The following LHFPL3 variants were observed in gnomAD, a reference collection of about 807,000 sequenced individuals.
LHFPL3 encodes LHFPL tetraspan subfamily member 3.
Under a neutral mutation model 19.3 loss-of-function variants are expected in LHFPL3, and 5 were observed. That is an observed-to-expected ratio of 0.26 (90% CI 0.14 to 0.54). The LOEUF (loss-of-function observed/expected upper bound fraction) is 0.54, where lower values mean the gene tolerates loss of function less well. LHFPL3 is among the 20% of genes least tolerant of loss of function. LHFPL3 has a pLI of 0.94. For missense variants in LHFPL3, 249 were observed against 307.4 expected (o/e 0.81, Z 1.42); for synonymous variants, 133 against 126.2 (o/e 1.05, Z -0.36).
intron 1 of LHFPL3, among the ~76,000 whole-genome samples, chr7:104,592,823 C>A (rs1402648060): frequency 6.6e-6 from 1 of 152,124 alleles, no homozygotes; most frequent in Non-Finnish European, 1.5e-5. Flanking sequence ...CTCCCCCAGC[C>A]TCTCTGCCAC....
rs117278271 is a variant in LHFPL3 at position 104,375,068 on chromosome 7, G to A, written c.445+45844G>A. ...GAAATAATAATACAGGCCAGGCACG[G>A]TGGCTTACCCCTGTAATCCCAACAC... On this transcript the variant is annotated intron_variant, in intron 1 of 2. Coordinates refer to ENST00000424859, the MANE Select transcript of LHFPL3 (RefSeq NM_199000.3). 5.8e-3 allele frequency among the ~76,000 whole-genome samples: 876 copies of A among 152,308 alleles called. 4 individuals carry two copies. The highest frequency in any genetic ancestry group is 8.8e-3 in the Non-Finnish European group (597 of 68,032).
intron 1 of LHFPL3, among the ~76,000 whole-genome samples, chr7:104,630,344 A>T (rs901832696): frequency 1.3e-5 from 2 of 152,186 alleles, no homozygotes; most frequent in African/African-American, 4.8e-5. Flanking sequence ...GGTTTACAGA[A>T]GGAAATAAAC....
chr7:104,580,473 T>C (rs6967399), intron 1 of LHFPL3, among the ~76,000 whole-genome samples: 19 of 152,158 alleles, frequency 1.2e-4, no homozygotes, highest in African/African-American at 4.6e-4. Context: ...CAAGCCATCT[T>C]ATTTTTTATA....
chr7:104,368,652 C>T (rs1416839657), intron 1 of LHFPL3, among the ~76,000 whole-genome samples: 3 of 150,098 alleles, frequency 2.0e-5, no homozygotes, highest in South Asian at 2.1e-4. Flanking sequence ...CACACATGTA[C>T]GTGTGTGTGT....
At chr7:104,471,907 A>G (rs1231644310) in intron 1 of LHFPL3, among the ~76,000 whole-genome samples, 2 of 152,188 alleles carry the variant, frequency 1.3e-5, no homozygotes, top group Non-Finnish European at 2.9e-5. Flanking sequence ...GCCACATGCA[A>G]TGGCCCTTGC....
intron 2 of LHFPL3, among the ~76,000 whole-genome samples, chr7:104,795,151 G>A (rs1391966417): frequency 6.6e-6 from 1 of 152,186 alleles, no homozygotes; most frequent in Non-Finnish European, 1.5e-5. Flanking sequence ...CATGCTCTCT[G>A]ATGGCCATTC....
At chr7:104,888,976 G>A (rs1296286397) in intron 2 of LHFPL3, among the ~76,000 whole-genome samples, 6 of 152,048 alleles carry the variant, frequency 3.9e-5, no homozygotes, top group African/African-American at 1.4e-4. Flanking sequence ...TTCACGTCAA[G>A]GAGAGATGAG....
chr7:104,536,496 A>G (rs1174334522), intron 1 of LHFPL3, among the ~76,000 whole-genome samples: 1 of 152,186 alleles, frequency 6.6e-6, no homozygotes, highest in Non-Finnish European at 1.5e-5. Context: ...ACATCATTAC[A>G]TCAAATCTGC....
At chr7:104,542,374 A>C (rs1794501960) in intron 1 of LHFPL3, among the ~76,000 whole-genome samples, 1 of 152,074 alleles carries the variant, frequency 6.6e-6, no homozygotes, top group Non-Finnish European at 1.5e-5. Context: ...TGAATGGCTT[A>C]TTTATCATCC....
At chr7:104,543,903 TATAATAATAATA>T (rs199906129) in intron 1 of LHFPL3, among the ~76,000 whole-genome samples, 166 of 145,398 alleles carry the variant, frequency 1.1e-3, no homozygotes, top group Admixed American at 3.3e-3. Flanking sequence ...TACCCCAAAA[TATAATAATAATA>T]ATAATAATAA....
chr7:104,359,367 T>A (rs1790346351), intron 1 of LHFPL3, among the ~76,000 whole-genome samples: 1 of 152,220 alleles, frequency 6.6e-6, no homozygotes, highest in South Asian at 2.1e-4. Context: ...AAAATAAAAT[T>A]TAAAATTATT....
rs1263650805 is a variant in LHFPL3 at position 104,669,237 on chromosome 7, C to T, written c.446-67438C>T. Reference sequence around the variant, plus strand: ...CTCCTGCTCGATCTCAGAGCTCAGACACAGAGCAGCAATCCCCTACAAGTG... The same window carrying T: ...CTCCTGCTCGATCTCAGAGCTCAGATACAGAGCAGCAATCCCCTACAAGTG... On this transcript the variant is annotated intron_variant, in intron 1 of 2. Coordinates refer to ENST00000424859, the MANE Select transcript of LHFPL3 (RefSeq NM_199000.3). 5.6e-6 allele frequency: 9 copies of T among 1,613,844 alleles called. No homozygotes were observed. In the Admixed American group the frequency reaches 1.0e-4, roughly 18 times the overall value.
At chr7:104,481,081 C>T (rs2115656933) in intron 1 of LHFPL3, among the ~76,000 whole-genome samples, 1 of 152,280 alleles carries the variant, frequency 6.6e-6, no homozygotes, top group East Asian at 1.9e-4. Context: ...AAATGCTGGG[C>T]TGCCCTAACA....
intron 2 of LHFPL3, among the ~76,000 whole-genome samples, chr7:104,755,548 T>A (rs931364258): frequency 3.3e-5 from 5 of 151,374 alleles, no homozygotes; most frequent in African/African-American, 1.2e-4. Flanking sequence ...TCTCTCTCTC[T>A]GTCTCTCTTT....
intron 1 of LHFPL3, among the ~76,000 whole-genome samples, chr7:104,392,296 C>T (rs1490464933): frequency 6.6e-6 from 1 of 151,784 alleles, no homozygotes; most frequent in Admixed American, 6.6e-5. Flanking sequence ...AGTTTTTGCC[C>T]ATTCAGTATG....
chr7:104,687,713 C>G (rs1442032281), intron 1 of LHFPL3, among the ~76,000 whole-genome samples: 1 of 152,182 alleles, frequency 6.6e-6, no homozygotes, highest in Non-Finnish European at 1.5e-5. Context: ...CTATCTGGAC[C>G]AGCATCTGGA....
chr7:104,727,883 T>G (rs1793620144), intron 1 of LHFPL3, among the ~76,000 whole-genome samples: 1 of 152,126 alleles, frequency 6.6e-6, no homozygotes, highest in Non-Finnish European at 1.5e-5. Context: ...AGCAAAAAGA[T>G]TTTGGCTTGA....
chr7:104,847,292 C>T (rs550592880), intron 2 of LHFPL3, among the ~76,000 whole-genome samples: 1 of 152,250 alleles, frequency 6.6e-6, no homozygotes, highest in South Asian at 2.1e-4. Flanking sequence ...GTATTGCTGA[C>T]CAAGTTAACA....
At chr7:104,505,647 CAT>C (rs1366812067) in intron 1 of LHFPL3, among the ~76,000 whole-genome samples, 1 of 151,982 alleles carries the variant, frequency 6.6e-6, no homozygotes, top group African/African-American at 2.4e-5. Flanking sequence ...ATGTAGAAAA[CAT>C]ATTTATATGT....
Sources: gnomAD v4.1 joint callset for allele counts (sites outside exome capture counted in the v4.1 genomes callset) on GRCh38, gnomAD v4.1.1 for gene constraint, MANE v1.5 for transcripts, NCBI Gene and HGNC (gene_info 2026-07-23, HGNC 2026-07-21) for gene names.